Variants in RAB11FIP3 observed in about 807,000 individuals in gnomAD.
RAB11FIP3 encodes RAB11 family interacting protein 3.
In RAB11FIP3, 17 loss-of-function variants were observed where a neutral mutation model predicts 77.8. The observed-to-expected ratio is 0.22, with a 90% CI of 0.15 to 0.33. The LOEUF is 0.33. Among genes scored for constraint, RAB11FIP3 ranks in the 10% least tolerant of loss-of-function variants. The pLI is 1.00. For missense variants in RAB11FIP3, 1,005 were observed against 1,011.2 expected, an observed-to-expected ratio of 0.99 and a Z score of 0.08; for synonymous variants, 437 against 448.2, an observed-to-expected ratio of 0.98 and a Z score of 0.31.
chr16:477,823 C>T (rs1035833618), intron 3 of RAB11FIP3, among the ~76,000 whole-genome samples: 3 of 152,190 alleles, frequency 2.0e-5, no homozygotes, highest in Non-Finnish European at 4.4e-5. Context: ...CTCCCTGTTC[C>T]CTTGTGGCTT....
chr16:436,202 C>T (rs1475885917), intron 1 of RAB11FIP3, among the ~76,000 whole-genome samples: 5 of 152,058 alleles, frequency 3.3e-5, no homozygotes, highest in African/African-American at 4.8e-5. Flanking sequence ...TCCAGCTACT[C>T]GGGGGTTGAG....
chr16:428,849 T>A (rs1023815155), intron 1 of RAB11FIP3, among the ~76,000 whole-genome samples: 8 of 152,178 alleles, frequency 5.3e-5, no homozygotes, highest in African/African-American at 1.9e-4. Flanking sequence ...TGAGCTTTCT[T>A]GTCATCACAA....
In RAB11FIP3 at chr16:519,825, G is replaced by T; in HGVS notation, c.1794G>T (p.Arg598Ser). 6.2e-7 allele frequency: 1 copy of T among 1,605,292 alleles called. No homozygotes were observed. The highest frequency in any genetic ancestry group is 2.2e-5 in the East Asian group (1 of 44,508). ...TCAGTGAAGAGCAGGAGAACAAGAG[G>T]AGAATGGGGGACAGGCTGAGTCACG... is the stretch of plus-strand genomic sequence containing the variant. Reference protein sequence around the residue: ...LRLSEEQENKRRMGDRLSHER... With the variant: ...LRLSEEQENKSRMGDRLSHER... Residue 598 changes from arginine to serine, a missense_variant, in exon 11 of 14, where the codon AGG becomes AGT. By Grantham distance (110) the Arg-to-Ser change is moderately radical. This residue lies in a region of RAB11FIP3 where 433 missense variants were observed against 436.1 expected (regional missense o/e 0.99). Coordinates refer to ENST00000262305, the MANE Select transcript of RAB11FIP3 (RefSeq NM_014700.4).
chr16:516,412 C>A (rs945882053), intron 9 of RAB11FIP3, among the ~76,000 whole-genome samples: 5 of 152,180 alleles, frequency 3.3e-5, no homozygotes, highest in South Asian at 2.1e-4. Flanking sequence ...ACACTAAAAA[C>A]CCCCCATGAG....
intron 6 of RAB11FIP3, 92 bp from the exon 7 acceptor site, chr16:502,912 G>A: frequency 9.6e-7 from 1 of 1,044,154 alleles, no homozygotes; most frequent in Non-Finnish European, 1.5e-6. Flanking sequence ...GCTGCTGCCT[G>A]CTTTTCAGAT....
chr16:481,227 C>T (rs1029120373), intron 3 of RAB11FIP3, among the ~76,000 whole-genome samples: 6 of 151,998 alleles, frequency 3.9e-5, no homozygotes, highest in African/African-American at 1.4e-4. Context: ...AAATGGTCCT[C>T]CTGGCTGGCG....
At chr16:435,830 G>A (rs1160480891) in intron 1 of RAB11FIP3, among the ~76,000 whole-genome samples, 1 of 151,936 alleles carries the variant, frequency 6.6e-6, no homozygotes, top group Non-Finnish European at 1.5e-5. Context: ...ACTTCATTAA[G>A]GTTCATATAA....
At chr16:475,091 A>G (rs1156701048) in intron 3 of RAB11FIP3, 16 of 1,551,406 alleles carry the variant, frequency 1.0e-5, no homozygotes, top group Non-Finnish European at 1.2e-5. Context: ...CCGGGCCAGC[A>G]TCTGAGGGTA....
chr16:460,242 A>C (rs750346298), intron 1 of RAB11FIP3, among the ~76,000 whole-genome samples: 1 of 152,194 alleles, frequency 6.6e-6, no homozygotes, highest in Non-Finnish European at 1.5e-5. Flanking sequence ...TAACAGATAT[A>C]TGATTTGCAA....
At chr16:477,556 C>T in intron 3 of RAB11FIP3, 1 of 932,532 alleles carries the variant, frequency 1.1e-6, no homozygotes, top group Non-Finnish European at 1.3e-6. Context: ...CCACTCCCGC[C>T]TTTTCCTGCC....
Position 520,127 on chromosome 16 carries a change from C to A in RAB11FIP3, c.1866C>A (p.Ile622=). The A allele has an allele frequency of 6.5e-7, 1 of 1,545,552 alleles. No homozygotes were observed. The highest frequency in any genetic ancestry group is 1.2e-5 in the South Asian group (1 of 84,108). The change falls in exon 12 of 14, where the codon ATC becomes ATA. Residue 622 remains isoleucine (I), a synonymous_variant. Transcript: ENST00000262305. ...QRDKEATQEL[I]EDLRKQLEHL... ...ACTGCACGGTTGCCCTGCAGCTGAT[C>A]GAGGACCTCCGAAAGCAGCTGGAGC... is the stretch of plus-strand genomic sequence containing the variant.
chr16:489,090 A>C, intron 5 of RAB11FIP3, 90 bp downstream of exon 5: 1 of 1,424,832 alleles, frequency 7.0e-7, no homozygotes, highest in Non-Finnish European at 9.4e-7. Flanking sequence ...TGCATTGGTG[A>C]GAGAACTTGC....
rs192153776 is a variant in RAB11FIP3, at chr16:468,625, A to G, written c.809-2670A>G. The stretch of plus-strand genomic sequence containing the variant: ...AGTGACCAGCAGGATGTGCTGGCCT[A>G]GTTTGCTGGGAAGCACAAGGAGGCT... On this transcript the variant is annotated intron_variant, in intron 2 of 13. Transcript: ENST00000262305. Among the ~76,000 whole-genome samples the G allele has an allele frequency of 2.6e-4, 40 of 152,152 alleles. No individual in the cohort carries two copies. In the East Asian group the frequency reaches 7.7e-3, roughly 29 times the overall value.
intron 9 of RAB11FIP3, among the ~76,000 whole-genome samples, chr16:515,555 G>A (rs1320362622): frequency 4.7e-5 from 7 of 149,190 alleles, no homozygotes; most frequent in African/African-American, 1.7e-4. Context: ...TCTTGGAGCA[G>A]CCACACGGGC....
At chr16:473,890 C>T (rs1467208858) in intron 3 of RAB11FIP3, among the ~76,000 whole-genome samples, 7 of 152,158 alleles carry the variant, frequency 4.6e-5, no homozygotes, top group Non-Finnish European at 1.0e-4. Context: ...ACCGATCCTC[C>T]GTGTCTCCAC....
chr16:495,200 C>G (rs1473226902), intron 5 of RAB11FIP3, among the ~76,000 whole-genome samples: 4 of 152,176 alleles, frequency 2.6e-5, no homozygotes, highest in Non-Finnish European at 5.9e-5. Context: ...TAATGAGGCA[C>G]TGGTTGGGAT....
At chr16:481,559 T>C (rs1940832315) in intron 3 of RAB11FIP3, among the ~76,000 whole-genome samples, 1 of 151,214 alleles carries the variant, frequency 6.6e-6, no homozygotes, top group African/African-American at 2.4e-5. Flanking sequence ...CGTCAGTCTC[T>C]TGAGTAGCTG....
At chr16:496,426 C>G (rs11865110) in intron 5 of RAB11FIP3, among the ~76,000 whole-genome samples, 17,682 of 152,308 alleles carry the variant, frequency 0.12, 1,106 homozygotes, top group East Asian at 0.18. Flanking sequence ...GCGGCAAACT[C>G]TCCTGTCACA....
At chr16:511,008 C>T (rs932096063) in intron 9 of RAB11FIP3, among the ~76,000 whole-genome samples, 7 of 142,804 alleles carry the variant, frequency 4.9e-5, no homozygotes, top group African/African-American at 1.6e-4. Flanking sequence ...AGAAGTTCCC[C>T]GAAAGTCCGC....
Sources: gnomAD v4.1 joint callset for allele counts (sites outside exome capture counted in the v4.1 genomes callset) on GRCh38, gnomAD v4.1.1 for gene constraint, gnomAD v4.1.1 regional missense constraint, MANE v1.5 for transcripts, NCBI Gene and HGNC (gene_info 2026-07-23, HGNC 2026-07-21) for gene names.